The following DGKG variants were observed in gnomAD, a reference collection of about 807,000 sequenced individuals.
The protein encoded by DGKG is DAG kinase gamma.
A neutral mutation model predicts 105.3 loss-of-function variants in DGKG; 78 were observed. That is an observed-to-expected ratio of 0.74 (90% confidence interval 0.62 to 0.89). The LOEUF (loss-of-function observed/expected upper bound fraction) is 0.89. Ranked by LOEUF, DGKG falls within the 40% of genes least tolerant of loss-of-function variation. The pLI is 0.00. For missense variants in DGKG, 958 were observed against 1,020.1 expected (o/e 0.94, Z 0.83); for synonymous variants, 346 against 367.1 (o/e 0.94, Z 0.66).
In DGKG at chr3:186,161,644, T is replaced by C. The variant is rs780032513; in HGVS notation, c.2236A>G (p.Met746Val). Residue 746 changes from methionine to valine, a missense_variant, in exon 24 of 25, where the codon ATG (methionine) becomes GTG (valine). Met to Val is a conservative substitution (Grantham distance 21). Around this residue, in one of 2 missense-constraint regions of DGKG, gnomAD observed 315 missense variants for 400.6 expected, o/e 0.79. Transcript: ENST00000265022. ...VTIRTNKLLP[M>V]QVDGEPWMQP... ...ATCCAGGGTTCTCCATCCACTTGCA[T>C]TGGCAGCAGCTTGTTTGTCCTGGAA... The C allele has an allele frequency of 8.1e-6, 13 of 1,614,056 alleles. No individual in the cohort carries two copies. The highest frequency in any genetic ancestry group is 5.3e-5 in the African/African-American group (4 of 74,922).
chr3:186,221,371 C>T (rs981649657), intron 20 of DGKG, among the ~76,000 whole-genome samples: 1 of 152,216 alleles, frequency 6.6e-6, no homozygotes, highest in Admixed American at 6.5e-5. Flanking sequence ...AAAAAACCCT[C>T]ACAGTTTGGC....
intron 20 of DGKG, among the ~76,000 whole-genome samples, chr3:186,227,025 T>C (rs1188732076): frequency 5.3e-5 from 8 of 152,148 alleles, no homozygotes; most frequent in Admixed American, 5.2e-4. Flanking sequence ...ATCTTCATAA[T>C]AGAGATCTAC....
At chr3:186,201,556 C>T (rs937631507) in intron 21 of DGKG, among the ~76,000 whole-genome samples, 22 of 152,152 alleles carry the variant, frequency 1.4e-4, no homozygotes, top group African/African-American at 5.1e-4. Context: ...AAAGATACCA[C>T]CAATAGCTTC....
chr3:186,148,768 C>T lies in DGKG; in HGVS notation c.*1322G>A, dbSNP rs994959957. The T allele has an allele frequency of 1.8e-5, 18 of 985,434 alleles. No individual in the cohort carries two copies. Among genetic ancestry groups the T allele is most frequent in the African/African-American group, 8.7e-5 (5 of 57,244 alleles). The allele number at this position is 985,434 out of a possible 1,614,324, so 61.0% of individuals were successfully genotyped here. A position where few individuals can be genotyped will look rare whatever the true frequency, so the allele number is the denominator to read the frequency against. On this transcript the variant is annotated 3_prime_UTR_variant, in exon 25 of 25. Coordinates refer to ENST00000265022, the MANE Select transcript of DGKG (RefSeq NM_001346.3). ...TTTGAGGATCCAGAATAGGAGTTCTCGGTCTCTTCGTTCATAATAGGGAGC... is the reference window on the plus strand; with the variant it reads ...TTTGAGGATCCAGAATAGGAGTTCTTGGTCTCTTCGTTCATAATAGGGAGC...
At chr3:186,306,817 G>A (rs896703532) in intron 3 of DGKG, 84 bp downstream of exon 3, 3 of 892,856 alleles carry the variant, frequency 3.4e-6, no homozygotes, top group Non-Finnish European at 5.5e-6. Context: ...TTCAAGGCAA[G>A]CGGAGTCTCC....
chr3:186,221,343 A>G (rs1375506691), intron 20 of DGKG, among the ~76,000 whole-genome samples: 1 of 151,276 alleles, frequency 6.6e-6, no homozygotes, highest in African/African-American at 2.4e-5. Flanking sequence ...CTCATCCAAA[A>G]AGAAAAAAGA....
chr3:186,178,444 A>C (rs1459592688), intron 22 of DGKG, among the ~76,000 whole-genome samples: 1 of 152,208 alleles, frequency 6.6e-6, no homozygotes, highest in African/African-American at 2.4e-5. Flanking sequence ...TAGTCCTGCC[A>C]AAGAGCCTAG....
At chr3:186,222,561 G>A (rs1283348113) in intron 20 of DGKG, among the ~76,000 whole-genome samples, 1 of 152,184 alleles carries the variant, frequency 6.6e-6, no homozygotes, top group Non-Finnish European at 1.5e-5. Context: ...ACACACACAT[G>A]GTCGGGTGCG....
intron 1 of DGKG, among the ~76,000 whole-genome samples, chr3:186,336,595 A>G (rs902623439): frequency 2.0e-5 from 3 of 152,210 alleles, no homozygotes; most frequent in African/African-American, 4.8e-5. Flanking sequence ...AGTAATAAAG[A>G]TAAGGGCAGA....
chr3:186,172,836 T>C (rs1460550863), intron 22 of DGKG, among the ~76,000 whole-genome samples: 2 of 152,242 alleles, frequency 1.3e-5, no homozygotes, highest in African/African-American at 4.8e-5. Context: ...TCTGAGCCTG[T>C]TTTCACATCT....
intron 16 of DGKG, among the ~76,000 whole-genome samples, chr3:186,259,971 T>C (rs1007114784): frequency 1.3e-5 from 2 of 152,160 alleles, no homozygotes; most frequent in Non-Finnish European, 2.9e-5. Context: ...AACAAGTAAT[T>C]GTCTTGATCC....
intron 22 of DGKG, among the ~76,000 whole-genome samples, chr3:186,183,756 G>A (rs923854250): frequency 2.6e-5 from 4 of 151,426 alleles, no homozygotes; most frequent in Admixed American, 6.6e-5. Context: ...CCAGGCTGGA[G>A]TGCAGTGGTG....
At chr3:186,253,040 C>G in intron 18 of DGKG, 53 bp downstream of exon 18, 1 of 1,514,444 alleles carries the variant, frequency 6.6e-7, no homozygotes, top group Non-Finnish European at 9.2e-7. Flanking sequence ...TAGAGCATCT[C>G]TGTAAACAGG....
chr3:186,321,288 G>T (rs1725064220), intron 1 of DGKG, among the ~76,000 whole-genome samples: 1 of 152,188 alleles, frequency 6.6e-6, no homozygotes, highest in Admixed American at 6.5e-5. Flanking sequence ...CATACTGTGG[G>T]TCATTAAATC....
intron 22 of DGKG, among the ~76,000 whole-genome samples, chr3:186,182,054 C>T (rs1206952144): frequency 2.0e-5 from 3 of 152,218 alleles, no homozygotes; most frequent in East Asian, 3.8e-4. Flanking sequence ...TGTGCCATGC[C>T]CTTGGTGCTT....
chr3:186,257,809 G>C (rs192073813), intron 17 of DGKG, 45 bp downstream of exon 17: 1 of 1,445,036 alleles, frequency 6.9e-7, no homozygotes, highest in Non-Finnish European at 9.7e-7. Flanking sequence ...TTGTAAATAC[G>C]CTTACTATAA....
At chr3:186,289,274 A>G (rs1439439197) in intron 5 of DGKG, among the ~76,000 whole-genome samples, 1 of 152,204 alleles carries the variant, frequency 6.6e-6, no homozygotes, top group Non-Finnish European at 1.5e-5. Context: ...GCCAACAGTC[A>G]TTTCTCAATA....
In DGKG at chr3:186,198,150, C is replaced by A. The variant is rs182470202; in HGVS notation, c.1918-9771G>T. Among the ~76,000 whole-genome samples the A allele has an allele frequency of 1.9e-3, 289 of 152,216 alleles. 4 individuals are homozygous for A. Among genetic ancestry groups the A allele is most frequent in the Non-Finnish European group, 2.4e-3 (162 of 68,008 alleles). The stretch of plus-strand genomic sequence containing the variant: ...GTGTGCAAAAATCCTAAAATGGAAA[C>A]CCAGGTGTTCTTTGAAGAAACGTGA... On this transcript the variant is annotated intron_variant, in intron 21 of 24. Transcript: ENST00000265022.
intron 11 of DGKG, among the ~76,000 whole-genome samples, chr3:186,270,340 G>A (rs1007580830): frequency 6.6e-6 from 1 of 152,128 alleles, no homozygotes; most frequent in African/African-American, 2.4e-5. Flanking sequence ...ATGTTGCCCC[G>A]GCTGGTCTCA....
Sources: allele counts gnomAD v4.1 joint callset (sites outside exome capture counted in the v4.1 genomes callset), GRCh38; gene constraint gnomAD v4.1.1; regional missense constraint gnomAD v4.1.1; transcripts MANE v1.5; gene names NCBI Gene and HGNC (gene_info 2026-07-23, HGNC 2026-07-21).